The following CDC14A variants were observed in gnomAD, a reference collection of about 807,000 sequenced individuals.
The protein encoded by CDC14A is dual specificity protein phosphatase CDC14A.
In CDC14A, 53 loss-of-function variants were observed where a neutral mutation model predicts 74.4. The observed-to-expected ratio is 0.71, with a 90% CI of 0.57 to 0.89. The LOEUF (loss-of-function observed/expected upper bound fraction) is 0.89, where lower values mean the gene tolerates loss of function less well. CDC14A is among the 40% of genes least tolerant of loss of function. The pLI, the probability that CDC14A is intolerant of heterozygous loss-of-function variation, is 0.00. For missense variants in CDC14A, 646 were observed against 713.7 expected, an observed-to-expected ratio of 0.91 and a Z score of 1.08; for synonymous variants, 247 against 258.4, an observed-to-expected ratio of 0.96 and a Z score of 0.43.
rs1057152949 is a variant in CDC14A at position 100,353,813 on chromosome 1, C to A, written c.101C>A (p.Thr34Asn). ...LRNRPKSTVNTHYFSIDEELV... is the reference protein window; with the variant it reads ...LRNRPKSTVNNHYFSIDEELV... The stretch of plus-strand genomic sequence containing the variant: ...AATAGACCAAAAAGCACAGTAAATA[C>A]CCACTATTTCTCCATCGATGAGGAG... Residue 34 changes from threonine (T) to asparagine (N), a missense_variant, in exon 2 of 16, where the codon ACC (threonine) becomes AAC (asparagine). Physicochemically the swap from Thr to Asn is moderately conservative, Grantham distance 65. Transcript: ENST00000336454. 6.2e-7 allele frequency: 1 copy of A among 1,609,168 alleles called. No individual in the cohort carries two copies. Among genetic ancestry groups the A allele is most frequent in the Non-Finnish European group, 8.5e-7 (1 of 1,176,704 alleles).
rs138357365 is a variant in CDC14A at position 100,393,962 on chromosome 1, A to AT, written c.309+3138_309+3139insT. On this transcript the variant is annotated intron_variant, in intron 4 of 15. Coordinates refer to ENST00000336454, the MANE Select transcript of CDC14A (RefSeq NM_003672.4). The stretch of plus-strand genomic sequence containing the variant: ...GTTCCCCCTCCCCACCGCAAAAAAA[A>AT]ATATATATATATATAGCAGTGCATC... 1.5e-3 allele frequency: 320 copies of AT among 217,654 alleles called. 1 individual carries two copies. The highest frequency in any genetic ancestry group is 8.7e-3 in the Middle Eastern group (5 of 572). The allele number at this position is 217,654 out of a possible 1,614,324, so 13.5% of individuals were successfully genotyped here.
At chr1:100,474,952 T>C (rs1052483122) in intron 10 of CDC14A, among the ~76,000 whole-genome samples, 1 of 152,192 alleles carries the variant, frequency 6.6e-6, no homozygotes, top group Non-Finnish European at 1.5e-5. Flanking sequence ...TTATGTCTTG[T>C]CAAATTTGGA....
chr1:100,471,054 A>G (rs894537765), intron 10 of CDC14A, among the ~76,000 whole-genome samples: 9 of 152,190 alleles, frequency 5.9e-5, no homozygotes, highest in African/African-American at 9.6e-5. Context: ...ATGAGTGAAT[A>G]TATCATAATA....
intron 7 of CDC14A, among the ~76,000 whole-genome samples, chr1:100,449,717 C>A (rs1226103361): frequency 6.6e-6 from 1 of 152,128 alleles, no homozygotes. Flanking sequence ...TTGTCTTATT[C>A]TTCTTTGTTT....
At chr1:100,381,116 CA>C (rs1265560336) in intron 3 of CDC14A, among the ~76,000 whole-genome samples, 1 of 152,190 alleles carries the variant, frequency 6.6e-6, no homozygotes, top group Non-Finnish European at 1.5e-5. Flanking sequence ...TTTGTGTTCT[CA>C]GTGCCTAGTG....
chr1:100,493,777 A>G (rs1467067696), intron 11 of CDC14A, among the ~76,000 whole-genome samples: 1 of 152,042 alleles, frequency 6.6e-6, no homozygotes, highest in Non-Finnish European at 1.5e-5. Flanking sequence ...TCTTTTTTAA[A>G]CTCAGAGATG....
At chr1:100,375,200 G>A (rs544289769) in intron 2 of CDC14A, among the ~76,000 whole-genome samples, 3 of 152,308 alleles carry the variant, frequency 2.0e-5, no homozygotes, top group Middle Eastern at 3.4e-3. Flanking sequence ...GGAAACCGAT[G>A]TGAGTGGAGG....
At chr1:100,484,687 G>A (rs560729772) in intron 11 of CDC14A, 9 of 1,102,070 alleles carry the variant, frequency 8.2e-6, no homozygotes, top group East Asian at 9.7e-5. Context: ...CTGGTAAGGG[G>A]TAATATTTAT....
At chr1:100,489,851 C>T (rs1451264319) in intron 11 of CDC14A, among the ~76,000 whole-genome samples, 1 of 152,042 alleles carries the variant, frequency 6.6e-6, no homozygotes, top group Non-Finnish European at 1.5e-5. Flanking sequence ...TCAGCAGATT[C>T]CAGGGAATCT....
At chr1:100,455,028 T>TA (rs1220698462) in intron 7 of CDC14A, among the ~76,000 whole-genome samples, 5 of 152,208 alleles carry the variant, frequency 3.3e-5, no homozygotes, top group African/African-American at 1.2e-4. Flanking sequence ...TTTCATTGTT[T>TA]AAAATATGTT....
intron 7 of CDC14A, among the ~76,000 whole-genome samples, chr1:100,453,050 T>G (rs903491823): frequency 3.3e-5 from 5 of 152,184 alleles, no homozygotes; most frequent in Admixed American, 2.0e-4. Context: ...ACTTCCTTAT[T>G]AATTTTTTCT....
At chr1:100,382,913 C>T (rs987492136) in intron 3 of CDC14A, among the ~76,000 whole-genome samples, 1 of 152,204 alleles carries the variant, frequency 6.6e-6, no homozygotes, top group Non-Finnish European at 1.5e-5. Flanking sequence ...TAATCCTATC[C>T]TGTAAACCAG....
At chr1:100,429,050 A>G (rs2101092804) in intron 5 of CDC14A, among the ~76,000 whole-genome samples, 1 of 152,006 alleles carries the variant, frequency 6.6e-6, no homozygotes, top group East Asian at 1.9e-4. Context: ...AAAATACAAA[A>G]AAAAGTAGCC....
chr1:100,442,909 A>G lies in CDC14A; in HGVS notation c.457-25A>G, dbSNP rs771137929. ...TAGAGTTTATCAATTTAGCATGGAA[A>G]AACTAATTCAAATTCTGCTTTTAGG... On this transcript the variant is annotated intron_variant, in intron 6 of 15. Transcript: ENST00000336454. The G allele has an allele frequency of 4.6e-6, 7 of 1,519,308 alleles. No individual in the cohort carries two copies. The South Asian group carries it at 7.9e-5, about 17-fold the overall frequency. 94.1% of individuals were successfully genotyped at this position (1,519,308 alleles called of 1,614,324 possible).
At chr1:100,422,771 G>T (rs1490268806) in intron 4 of CDC14A, among the ~76,000 whole-genome samples, 3 of 152,154 alleles carry the variant, frequency 2.0e-5, no homozygotes, top group Non-Finnish European at 2.9e-5. Context: ...TGTTACTAAA[G>T]TTAGTATTTT....
intron 5 of CDC14A, among the ~76,000 whole-genome samples, chr1:100,436,056 A>C (rs1664294337): frequency 6.6e-6 from 1 of 152,156 alleles, no homozygotes; most frequent in Non-Finnish European, 1.5e-5. Context: ...GTAAAACCTC[A>C]GAGTAGGAGG....
intron 8 of CDC14A, among the ~76,000 whole-genome samples, chr1:100,461,984 A>G (rs1256197522): frequency 1.3e-5 from 2 of 152,174 alleles, no homozygotes; most frequent in Non-Finnish European, 2.9e-5. Flanking sequence ...TATATAATAC[A>G]TTGTTATTAT....
At chr1:100,484,952 C>T (rs1669878126) in intron 11 of CDC14A, 1 of 969,730 alleles carries the variant, frequency 1.0e-6, no homozygotes. Context: ...ATATTCATAA[C>T]TACCTGGTGA....
chr1:100,510,179 T>G (rs1354312250), intron 15 of CDC14A, among the ~76,000 whole-genome samples: 1 of 152,242 alleles, frequency 6.6e-6, no homozygotes, highest in African/African-American at 2.4e-5. Flanking sequence ...GCCTGGGCAC[T>G]GCCAACATTC....
Sources: allele counts gnomAD v4.1 joint callset (sites outside exome capture counted in the v4.1 genomes callset), GRCh38; gene constraint gnomAD v4.1.1; transcripts MANE v1.5; gene names NCBI Gene and HGNC (gene_info 2026-07-23, HGNC 2026-07-21).